PTPRN2: variants seen among roughly 807,000 people sequenced by gnomAD.
PTPRN2 encodes the protein receptor-type tyrosine-protein phosphatase N2.
A neutral mutation model predicts 118.8 loss-of-function variants in PTPRN2; 74 were observed. The ratio of observed to expected loss-of-function variants is 0.62; its 90% CI spans 0.52 to 0.76. The LOEUF (loss-of-function observed/expected upper bound fraction) is 0.76, where lower values mean the gene tolerates loss of function less well. Among genes scored for constraint, PTPRN2 ranks in the 30% least tolerant of loss-of-function variants. PTPRN2 has a pLI of 0.00. For missense variants in PTPRN2, 1,481 were observed against 1,394.4 expected, an observed-to-expected ratio of 1.06 and a Z score of -0.99; for synonymous variants, 641 against 608.0, an observed-to-expected ratio of 1.05 and a Z score of -0.80.
intron 12 of PTPRN2, among the ~76,000 whole-genome samples, chr7:157,820,839 G>A (rs1806792119): frequency 6.6e-6 from 1 of 152,236 alleles, no homozygotes; most frequent in Non-Finnish European, 1.5e-5. Flanking sequence ...TCAGAAAGGA[G>A]AGGATTTGAC....
At chr7:157,694,615 T>G (rs2150844323) in intron 12 of PTPRN2, among the ~76,000 whole-genome samples, 1 of 152,358 alleles carries the variant, frequency 6.6e-6, no homozygotes, top group South Asian at 2.1e-4. Flanking sequence ...TCCATTCTAT[T>G]TTTCTTTATT....
Position 157,598,270 on chromosome 7 carries a change from AT to A in PTPRN2, c.2419-2956del, listed in dbSNP as rs1205369139. ...CATTCTTACCCTTCGCCTCCTACTC[AT>A]GACTTTCCATTTCATTGCAACATAC... On this transcript the variant is annotated intron_variant, in intron 16 of 22. Coordinates refer to ENST00000389418, the MANE Select transcript of PTPRN2 (RefSeq NM_002847.5). The surrounding 1 kb of genome is among the most constrained non-coding windows in gnomAD (Gnocchi z 5.2). Among the ~76,000 whole-genome samples the A allele has an allele frequency of 6.6e-6, 1 of 152,078 alleles. No homozygotes were observed. Among genetic ancestry groups the A allele is most frequent in the East Asian group, 1.9e-4 (1 of 5,182 alleles).
At chr7:158,262,651 ACACT>A (rs1339013463) in intron 3 of PTPRN2, among the ~76,000 whole-genome samples, 1 of 148,930 alleles carries the variant, frequency 6.7e-6, no homozygotes, top group Non-Finnish European at 1.5e-5. Flanking sequence ...TTCACTGCAC[ACACT>A]GACACACTGC....
intron 12 of PTPRN2, among the ~76,000 whole-genome samples, chr7:157,765,871 ATC>A (rs1802436838): frequency 7.3e-6 from 1 of 136,950 alleles, no homozygotes; most frequent in African/African-American, 2.8e-5. Context: ...CCATCCATCC[ATC>A]ATTACTCCAT....
chr7:158,270,980 C>A (rs867728884), intron 3 of PTPRN2, among the ~76,000 whole-genome samples: 29 of 88,508 alleles, frequency 3.3e-4, no homozygotes, highest in South Asian at 1.2e-3. Flanking sequence ...GGACCACCCC[C>A]TCCACCTGGG....
intron 2 of PTPRN2, among the ~76,000 whole-genome samples, chr7:158,390,860 A>G (rs186977438): frequency 6.6e-6 from 1 of 152,322 alleles, no homozygotes; most frequent in African/African-American, 2.4e-5. Context: ...GAGGCTACGA[A>G]AAATGGAGGG....
intron 6 of PTPRN2, among the ~76,000 whole-genome samples, chr7:158,163,696 A>G (rs1822588601): frequency 6.7e-6 from 1 of 150,360 alleles, no homozygotes; most frequent in African/African-American, 2.5e-5. Flanking sequence ...ATAGGTGATC[A>G]ATATTCTCTG....
intron 9 of PTPRN2, among the ~76,000 whole-genome samples, chr7:158,128,590 A>G (rs529816754): frequency 1.3e-5 from 2 of 152,326 alleles, no homozygotes; most frequent in East Asian, 1.9e-4. Flanking sequence ...CTCCTTCCCC[A>G]GAAAGTGCGA....
Position 158,509,543 on chromosome 7 carries a change from C to T in PTPRN2, c.113-19758G>A, listed in dbSNP as rs1201291118. Among the ~76,000 whole-genome samples, 3 of 152,224 alleles carry T rather than the reference C, an allele frequency of 2.0e-5. No homozygotes were observed. Among genetic ancestry groups the T allele is most frequent in the African/African-American group, 7.2e-5 (3 of 41,464 alleles). ...AAACCCAAGTTAAAGATCAAGGTGACACAGAACCAGAGCTTAGCAGCCAAA... is the reference window on the plus strand; with the variant it reads ...AAACCCAAGTTAAAGATCAAGGTGATACAGAACCAGAGCTTAGCAGCCAAA... On this transcript the variant is annotated intron_variant, in intron 1 of 22. Coordinates refer to ENST00000389418, the MANE Select transcript of PTPRN2 (RefSeq NM_002847.5). This position sits in a 1 kb window ranked among gnomAD's most constrained non-coding sequence, Gnocchi z 4.4.
chr7:158,476,252 C>T (rs541263783), intron 2 of PTPRN2, among the ~76,000 whole-genome samples: 1 of 152,352 alleles, frequency 6.6e-6, no homozygotes, highest in East Asian at 1.9e-4. Context: ...AATTCGCCTG[C>T]CTTGGCCTCC....
chr7:158,160,679 G>C (rs1402902972), intron 6 of PTPRN2, among the ~76,000 whole-genome samples: 1 of 152,168 alleles, frequency 6.6e-6, no homozygotes. Context: ...TATTTCAGAT[G>C]CCTGCAGTTA....
At chr7:158,101,596 C>G (rs759964225) in intron 10 of PTPRN2, among the ~76,000 whole-genome samples, 1 of 152,220 alleles carries the variant, frequency 6.6e-6, no homozygotes, top group Non-Finnish European at 1.5e-5. Flanking sequence ...TTCCAGTCAT[C>G]TAGCCCAAAC....
At chr7:157,883,218 A>ATG (rs1330645757) in intron 12 of PTPRN2, among the ~76,000 whole-genome samples, 1 of 151,646 alleles carries the variant, frequency 6.6e-6, no homozygotes, top group Admixed American at 6.6e-5. Flanking sequence ...GGAGATCAGA[A>ATG]CACATCACCC....
intron 2 of PTPRN2, among the ~76,000 whole-genome samples, chr7:158,407,305 GGTCCTGGGTCCTGGGTCCTGC>G (rs1813621364): frequency 5.2e-5 from 5 of 95,788 alleles, no homozygotes; most frequent in South Asian, 3.8e-4. Flanking sequence ...CTGCGTCCTG[GGTCCTGGGTCCTGGGTCCTGC>G]GTCCTGGGTC....
chr7:158,125,671 G>C (rs1817597618), intron 9 of PTPRN2, among the ~76,000 whole-genome samples: 1 of 152,158 alleles, frequency 6.6e-6, no homozygotes, highest in South Asian at 2.1e-4. Flanking sequence ...TGACAAGGCA[G>C]GGCATGTCCG....
intron 11 of PTPRN2, among the ~76,000 whole-genome samples, chr7:158,033,719 C>A (rs971328364): frequency 6.6e-6 from 1 of 150,392 alleles, no homozygotes; most frequent in African/African-American, 2.5e-5. Flanking sequence ...GTGTGGCTGG[C>A]TGCACACTGA....
chr7:158,484,432 G>A (rs1267292563), intron 2 of PTPRN2, among the ~76,000 whole-genome samples: 1 of 152,088 alleles, frequency 6.6e-6, no homozygotes, highest in Non-Finnish European at 1.5e-5. Flanking sequence ...GTGTGAACTC[G>A]GCTCACCGTA....
intron 1 of PTPRN2, among the ~76,000 whole-genome samples, chr7:158,576,963 A>G (rs1828364146): frequency 1.0e-5 from 1 of 95,526 alleles, no homozygotes. Context: ...AGGGCTGCGC[A>G]CCCTGCCTGA....
rs901965814 is a variant in PTPRN2, at chr7:157,974,058, G to C, written c.1724-75321C>G. Among the ~76,000 whole-genome samples, 1 of 152,064 alleles carries C rather than the reference G, an allele frequency of 6.6e-6. No homozygotes were observed. Among genetic ancestry groups the C allele is most frequent in the African/African-American group, 2.4e-5 (1 of 41,294 alleles). On this transcript the variant is annotated intron_variant, in intron 11 of 22. Transcript: ENST00000389418. This position sits in a 1 kb window ranked among gnomAD's most constrained non-coding sequence, Gnocchi z 4.0. Reference sequence around the variant, plus strand: ...TGCTGTTGACGTTGGCGGGGTAGCAGGTGTGGCCATAACATGGAGCACAGG... The same window carrying C: ...TGCTGTTGACGTTGGCGGGGTAGCACGTGTGGCCATAACATGGAGCACAGG...
Sources: allele counts gnomAD v4.1 joint callset (sites outside exome capture counted in the v4.1 genomes callset), GRCh38; gene constraint gnomAD v4.1.1; non-coding constraint Gnocchi (gnomAD v3.1); transcripts MANE v1.5; gene names NCBI Gene and HGNC (gene_info 2026-07-23, HGNC 2026-07-21).